Variants in ACOXL observed in about 807,000 individuals in gnomAD.
ACOXL encodes the protein acyl-coenzyme A oxidase-like protein.
ACOXL carries 70 observed loss-of-function variants against 71.9 expected under a neutral mutation model. That is an observed-to-expected ratio of 0.97 (90% CI 0.80 to 1.19). The LOEUF (loss-of-function observed/expected upper bound fraction) is 1.19. ACOXL is among the 50% of genes most tolerant of loss of function. The probability of loss-of-function intolerance (pLI) is 0.00; values close to 1 mark genes in which losing one functional copy is unlikely to be tolerated. For synonymous variants in ACOXL, 253 were observed against 281.6 expected, an observed-to-expected ratio of 0.90 and a Z score of 1.02; for missense variants, 703 against 736.3, an observed-to-expected ratio of 0.95 and a Z score of 0.52.
intron 16 of ACOXL, among the ~76,000 whole-genome samples, chr2:111,049,774 T>C (rs922494373): frequency 7.9e-5 from 12 of 152,072 alleles, no homozygotes; most frequent in African/African-American, 2.7e-4. Flanking sequence ...TGCCCTTGAG[T>C]GGAAGACAAG....
chr2:110,994,309 G>GTCTAAATACTAAA (rs2063300253), intron 13 of ACOXL, among the ~76,000 whole-genome samples: 2 of 152,156 alleles, frequency 1.3e-5, no homozygotes, highest in African/African-American at 4.8e-5. Flanking sequence ...CCCGGTAATT[G>GTCTAAATACTAAA]GCATGTAAAT....
intron 16 of ACOXL, among the ~76,000 whole-genome samples, chr2:111,078,254 T>A (rs2067704198): frequency 6.6e-6 from 1 of 152,124 alleles, no homozygotes; most frequent in Non-Finnish European, 1.5e-5. Context: ...TTCTCTTTTA[T>A]GTTTTATATT....
At chr2:110,745,493 T>C (rs1268192376) in intron 1 of ACOXL, among the ~76,000 whole-genome samples, 4 of 152,070 alleles carry the variant, frequency 2.6e-5, no homozygotes. Context: ...ATGGGTGATG[T>C]AGCTCGGGGA....
At chr2:111,050,178 C>T (rs576810999) in intron 16 of ACOXL, among the ~76,000 whole-genome samples, 8 of 151,542 alleles carry the variant, frequency 5.3e-5, no homozygotes, top group Non-Finnish European at 1.2e-4. Context: ...TGTCCTCTGA[C>T]TTTAGAAATG....
intron 16 of ACOXL, among the ~76,000 whole-genome samples, chr2:111,066,954 C>T (rs1479145622): frequency 6.6e-6 from 1 of 152,138 alleles, no homozygotes; most frequent in South Asian, 2.1e-4. Flanking sequence ...AGAATTTTAA[C>T]TCATCTCTTA....
At chr2:110,995,705 T>C (rs956102761) in intron 13 of ACOXL, among the ~76,000 whole-genome samples, 188 bp from the exon 14 acceptor site, 1 of 151,646 alleles carries the variant, frequency 6.6e-6, no homozygotes, top group Non-Finnish European at 1.5e-5. Context: ...TAGAATAAAC[T>C]AGAGCTAAGA....
intron 12 of ACOXL, among the ~76,000 whole-genome samples, chr2:110,943,426 GAAGT>G (rs1225376873): frequency 6.6e-6 from 1 of 152,136 alleles, no homozygotes; most frequent in Non-Finnish European, 1.5e-5. Context: ...TAGGGGATTT[GAAGT>G]CTGATTTATC....
At chr2:111,031,783 C>T (rs143354318) in intron 15 of ACOXL, 69 bp downstream of exon 15, 2 of 1,462,068 alleles carry the variant, frequency 1.4e-6, no homozygotes, top group Non-Finnish European at 1.9e-6. Context: ...GGAGACACAG[C>T]TCTGCAGGGA....
intron 2 of ACOXL, among the ~76,000 whole-genome samples, chr2:110,784,490 A>C (rs1231695486): frequency 6.6e-6 from 1 of 152,222 alleles, no homozygotes; most frequent in Non-Finnish European, 1.5e-5. Flanking sequence ...ATGCGGATGC[A>C]GTTGACTATT....
At chr2:110,878,513 A>G (rs1306005094) in intron 10 of ACOXL, among the ~76,000 whole-genome samples, 2 of 152,254 alleles carry the variant, frequency 1.3e-5, no homozygotes, top group African/African-American at 2.4e-5. Flanking sequence ...CTGTAATTCT[A>G]GCACTTTGGG....
chr2:111,087,085 A>T (rs562535676), intron 16 of ACOXL, among the ~76,000 whole-genome samples: 1 of 152,304 alleles, frequency 6.6e-6, no homozygotes, highest in East Asian at 1.9e-4. Context: ...ACCTAGAAAT[A>T]CAAATAACCA....
chr2:110,976,638 G>A (rs2062457743), intron 12 of ACOXL, among the ~76,000 whole-genome samples: 1 of 152,196 alleles, frequency 6.6e-6, no homozygotes. Flanking sequence ...GAGTATGTGT[G>A]AAGAAATACC....
intron 16 of ACOXL, among the ~76,000 whole-genome samples, chr2:111,073,976 A>G (rs1365881265): frequency 6.6e-6 from 1 of 152,124 alleles, no homozygotes; most frequent in Non-Finnish European, 1.5e-5. Flanking sequence ...TTATAACTAA[A>G]TATTTCATTT....
At chr2:110,784,561 A>G (rs1683720436) in intron 2 of ACOXL, among the ~76,000 whole-genome samples, 171 bp from the exon 3 acceptor site, 1 of 152,230 alleles carries the variant, frequency 6.6e-6, no homozygotes, top group South Asian at 2.1e-4. Flanking sequence ...TTAAAAAAAG[A>G]TGAAAACATT....
At chr2:111,058,252 A>G (rs2149868913) in intron 16 of ACOXL, among the ~76,000 whole-genome samples, 1 of 152,330 alleles carries the variant, frequency 6.6e-6, no homozygotes, top group African/African-American at 2.4e-5. Context: ...TCAAGATGCT[A>G]AAGTTCCCAG....
intron 15 of ACOXL, among the ~76,000 whole-genome samples, chr2:111,047,345 C>CT (rs1343655897): frequency 2.0e-5 from 3 of 152,120 alleles, no homozygotes; most frequent in Non-Finnish European, 2.9e-5. Context: ...CAGTAGCTCT[C>CT]TAAGGAAGCA....
intron 13 of ACOXL, among the ~76,000 whole-genome samples, chr2:110,992,044 A>G (rs1200573411): frequency 6.6e-6 from 1 of 152,244 alleles, no homozygotes; most frequent in Non-Finnish European, 1.5e-5. Flanking sequence ...TTTTTCAGAT[A>G]GCAAAGCAGG....
intron 10 of ACOXL, among the ~76,000 whole-genome samples, chr2:110,904,562 T>C (rs1037190400): frequency 5.9e-5 from 9 of 152,136 alleles, no homozygotes; most frequent in Non-Finnish European, 1.5e-5. Context: ...ATGTAGGTTG[T>C]ATTATTACTC....
At chr2:110,964,675 ATT>A (rs1558797985) in intron 12 of ACOXL, among the ~76,000 whole-genome samples, 1 of 152,164 alleles carries the variant, frequency 6.6e-6, no homozygotes, top group East Asian at 1.9e-4. Context: ...CTGCAACATA[ATT>A]TTTGTTTGTT....
Sources: gnomAD v4.1 joint callset for allele counts (sites outside exome capture counted in the v4.1 genomes callset) on GRCh38, gnomAD v4.1.1 for gene constraint, MANE v1.5 for transcripts, NCBI Gene and HGNC (gene_info 2026-07-23, HGNC 2026-07-21) for gene names.